Variants in MAP2K1 observed in about 807,000 individuals in gnomAD.
The protein encoded by MAP2K1 is mitogen-activated protein kinase kinase 1, also known as dual specificity mitogen-activated protein kinase kinase 1.
MAP2K1 carries 16 observed loss-of-function variants against 46.3 expected under a neutral mutation model. The observed-to-expected ratio is 0.35, with a 90% CI of 0.23 to 0.52. MAP2K1 has a LOEUF of 0.52. MAP2K1 is among the 20% of genes least tolerant of loss of function. MAP2K1 has a pLI of 0.94. For synonymous variants in MAP2K1, 183 were observed against 185.6 expected, an observed-to-expected ratio of 0.99 and a Z score of 0.11; for missense variants, 263 against 497.1, an observed-to-expected ratio of 0.53 and a Z score of 4.48.
chr15:66,490,025 C>T (rs1303875777), intron 10 of MAP2K1: 2 of 584,358 alleles, frequency 3.4e-6, no homozygotes, highest in Non-Finnish European at 6.1e-6. Context: ...GGCCAGCCCA[C>T]CCCCTTCATG....
At chr15:66,394,815 T>G (rs1212015887) in intron 1 of MAP2K1, among the ~76,000 whole-genome samples, 1 of 152,206 alleles carries the variant, frequency 6.6e-6, no homozygotes. Context: ...TGGATGCTTC[T>G]TTTGGGTAGT....
chr15:66,434,022 TAC>T (rs1567008597), intron 1 of MAP2K1, among the ~76,000 whole-genome samples: 1 of 152,268 alleles, frequency 6.6e-6, no homozygotes, highest in Admixed American at 6.5e-5. Flanking sequence ...ATTATGTGCT[TAC>T]CAAGAGCCAG....
intron 5 of MAP2K1, among the ~76,000 whole-genome samples, chr15:66,468,273 T>G (rs1254590158): frequency 3.9e-5 from 6 of 152,204 alleles, no homozygotes; most frequent in Admixed American, 2.0e-4. Flanking sequence ...GACCTCCTTT[T>G]TTTTTCCCCC....
intron 5 of MAP2K1, among the ~76,000 whole-genome samples, chr15:66,470,859 T>C (rs767783741): frequency 3.9e-5 from 6 of 152,208 alleles, no homozygotes; most frequent in Non-Finnish European, 7.3e-5. Context: ...CCTGATGATA[T>C]GTGCCCAAGG....
rs924051698 is a variant in MAP2K1 at position 66,464,629 on chromosome 15, A to G, written c.569-17126A>G. Among the ~76,000 whole-genome samples, 4 of 151,904 alleles carry G rather than the reference A, an allele frequency of 2.6e-5. No homozygotes were observed. The South Asian group carries it at 6.2e-4, about 24-fold the overall frequency. On this transcript the variant is annotated intron_variant, in intron 5 of 10. Coordinates refer to ENST00000307102, the MANE Select transcript of MAP2K1 (RefSeq NM_002755.4). ...AACCTCTGCCTTCCGGGTTCAAGCA[A>G]TTCTCCTGCCTCAGCCATCCTGAGT...
chr15:66,460,168 G>T (rs1435652042), intron 5 of MAP2K1, among the ~76,000 whole-genome samples: 1 of 152,264 alleles, frequency 6.6e-6, no homozygotes, highest in Non-Finnish European at 1.5e-5. Context: ...CTGCCTTAAA[G>T]ATGGAGGGAG....
Position 66,419,917 on chromosome 15 carries a change from G to A in MAP2K1, c.81-15110G>A, listed in dbSNP as rs557523643. 5.3e-5 allele frequency among the ~76,000 whole-genome samples: 8 copies of A among 152,156 alleles called. No homozygotes were observed. The South Asian group carries it at 1.2e-3, about 24-fold the overall frequency. On this transcript the variant is annotated intron_variant, in intron 1 of 10. Coordinates refer to ENST00000307102, the MANE Select transcript of MAP2K1 (RefSeq NM_002755.4). ...ACATAAACAAAAAAAAAGTCTGTTG[G>A]CTTGGAAACTACCTGATTTACAGTG...
At chr15:66,489,502 C>A in intron 9 of MAP2K1, 1 of 666,966 alleles carries the variant, frequency 1.5e-6, no homozygotes, top group South Asian at 1.7e-5. Flanking sequence ...GGTACTTGCT[C>A]TCCAGGGATT....
intron 1 of MAP2K1, among the ~76,000 whole-genome samples, chr15:66,397,282 C>T (rs190383802): frequency 1.4e-4 from 21 of 152,174 alleles, no homozygotes; most frequent in Admixed American, 3.9e-4. Context: ...GGATTACAGG[C>T]GTGAGCCACG....
chr15:66,455,182 C>G (rs1023786823), intron 5 of MAP2K1, among the ~76,000 whole-genome samples: 1 of 152,204 alleles, frequency 6.6e-6, no homozygotes, highest in Non-Finnish European at 1.5e-5. Flanking sequence ...ATCAAGGGGA[C>G]AGCATCCTCT....
At chr15:66,389,999 C>G (rs2093353059) in intron 1 of MAP2K1, among the ~76,000 whole-genome samples, 1 of 152,154 alleles carries the variant, frequency 6.6e-6, no homozygotes, top group Non-Finnish European at 1.5e-5. Context: ...AGTAAACTTC[C>G]AAAGCTGTTG....
At chr15:66,427,173 TGA>T (rs2093461407) in intron 1 of MAP2K1, among the ~76,000 whole-genome samples, 1 of 152,192 alleles carries the variant, frequency 6.6e-6, no homozygotes, top group Non-Finnish European at 1.5e-5. Flanking sequence ...AGAAATTAAA[TGA>T]GAGTGAAATA....
intron 1 of MAP2K1, among the ~76,000 whole-genome samples, chr15:66,414,243 C>T (rs1178340294): frequency 6.7e-6 from 1 of 149,086 alleles, no homozygotes; most frequent in Admixed American, 6.7e-5. Flanking sequence ...CTCTGTAAGA[C>T]TGCCCTTCAT....
intron 1 of MAP2K1, among the ~76,000 whole-genome samples, chr15:66,392,256 T>TTTTTTTTTTTG (rs1491317272): frequency 1.1e-5 from 1 of 92,430 alleles, no homozygotes; most frequent in African/African-American, 5.0e-5. Flanking sequence ...TTTTTTTGGG[T>TTTTTTTTTTTG]TTTTTTTTTT....
intron 1 of MAP2K1, among the ~76,000 whole-genome samples, chr15:66,397,331 G>C (rs1472383881): frequency 6.6e-6 from 1 of 152,114 alleles, no homozygotes; most frequent in Non-Finnish European, 1.5e-5. Flanking sequence ...TGTGACCTCG[G>C]TCATATCACT....
chr15:66,420,168 G>A (rs939927868), intron 1 of MAP2K1, among the ~76,000 whole-genome samples: 4 of 151,722 alleles, frequency 2.6e-5, no homozygotes, highest in Non-Finnish European at 4.4e-5. Context: ...CACTTGAACC[G>A]GGGAGGCGGA....
intron 1 of MAP2K1, among the ~76,000 whole-genome samples, chr15:66,394,578 C>T (rs1236276602): frequency 6.6e-6 from 1 of 151,508 alleles, no homozygotes; most frequent in African/African-American, 2.4e-5. Flanking sequence ...GCTTCAGCCT[C>T]CTAAGTAGCT....
chr15:66,485,252 G>T, intron 7 of MAP2K1, 61 bp downstream of exon 7: 1 of 1,494,506 alleles, frequency 6.7e-7, no homozygotes, highest in Non-Finnish European at 9.2e-7. Context: ...TTACTTTCAG[G>T]GGTTTCTGGA....
At chr15:66,436,966 G>A (rs2093489885) in intron 3 of MAP2K1, 74 bp downstream of exon 3, 1 of 1,521,300 alleles carries the variant, frequency 6.6e-7, no homozygotes, top group Admixed American at 1.7e-5. Context: ...CTTTGGTCTG[G>A]GAGGTGACCA....
Sources: allele counts gnomAD v4.1 joint callset (sites outside exome capture counted in the v4.1 genomes callset), GRCh38; gene constraint gnomAD v4.1.1; transcripts MANE v1.5; gene names NCBI Gene and HGNC (gene_info 2026-07-23, HGNC 2026-07-21).